The following HIBCH variants were observed in gnomAD, a reference collection of about 807,000 sequenced individuals.
HIBCH encodes 3-hydroxyisobutyryl-CoA hydrolase, also known as 3-hydroxyisobutyryl-CoA hydrolase, mitochondrial.
In HIBCH, 50 loss-of-function variants were observed where a neutral mutation model predicts 58.2. The observed-to-expected ratio is 0.86, with a 90% CI of 0.68 to 1.09. The LOEUF (loss-of-function observed/expected upper bound fraction) is 1.09. Ranked by LOEUF, HIBCH falls within the 50% of genes least tolerant of loss-of-function variation. The pLI is 0.00. For synonymous variants in HIBCH, 151 were observed against 146.9 expected (o/e 1.03, Z -0.20); for missense variants, 450 against 449.7 (o/e 1.00, Z -0.01).
chr2:190,199,939 C>T (rs1575685284), downstream of HIBCH: 11 of 1,613,954 alleles, frequency 6.8e-6, no homozygotes, highest in Admixed American at 1.2e-4. Context: ...GAGTGAAGAA[C>T]CCTTTATGCC....
chr2:190,194,282 T>A (rs1689859061), intron 1 of HIBCH, among the ~76,000 whole-genome samples: 1 of 152,182 alleles, frequency 6.6e-6, no homozygotes, highest in Non-Finnish European at 1.5e-5. Flanking sequence ...AGAACACGTA[T>A]TTTTTCTTTG....
intron 11 of HIBCH, among the ~76,000 whole-genome samples, chr2:190,225,681 T>C (rs1381090965): frequency 2.0e-5 from 3 of 152,202 alleles, no homozygotes; most frequent in African/African-American, 7.2e-5. Flanking sequence ...AGCCGAATTC[T>C]ACCAGAGGTA....
chr2:190,202,342 A>T (rs573118425), downstream of HIBCH: 1 of 167,156 alleles, frequency 6.0e-6, no homozygotes, highest in South Asian at 2.1e-4. Context: ...TTGTATGTTA[A>T]CCCATGACAT....
chr2:190,319,767 G>A lies in HIBCH; in HGVS notation c.-17C>T. On this transcript the variant is annotated 5_prime_UTR_variant, in exon 1 of 14. Transcript: ENST00000359678. ...CTGCCCCATCGCCAAACACTCCGAA[G>A]CTAAAGCAGCAGAGCGAGAATCTCC... The A allele has an allele frequency of 6.2e-7, 1 of 1,609,848 alleles. No homozygotes were observed. The highest frequency in any genetic ancestry group is 1.1e-5 in the South Asian group (1 of 89,862).
chr2:190,294,069 G>A (rs1391059461), intron 4 of HIBCH, among the ~76,000 whole-genome samples: 3 of 134,288 alleles, frequency 2.2e-5, no homozygotes, highest in African/African-American at 5.4e-5. Flanking sequence ...CAGGATAAAT[G>A]CTATAAATAA....
downstream of HIBCH, chr2:190,200,727 C>CCTAA (rs1188469285): frequency 4.7e-5 from 8 of 168,490 alleles, no homozygotes; most frequent in African/African-American, 1.7e-4. Context: ...ACCTCAGGGC[C>CCTAA]CTAACTAATT....
intron 1 of HIBCH, among the ~76,000 whole-genome samples, chr2:190,196,460 T>G (rs532912780): frequency 1.6e-4 from 24 of 152,014 alleles, no homozygotes; most frequent in Non-Finnish European, 2.8e-4. Context: ...TTTATTTTCT[T>G]GGGTATACTT....
At chr2:190,270,142 G>A (rs1687350457) in intron 6 of HIBCH, among the ~76,000 whole-genome samples, 1 of 151,958 alleles carries the variant, frequency 6.6e-6, no homozygotes, top group African/African-American at 2.4e-5. Context: ...CTAGATGACG[G>A]GTTGACAGGT....
At chr2:190,266,295 A>C (rs1687232673) in intron 6 of HIBCH, among the ~76,000 whole-genome samples, 1 of 152,232 alleles carries the variant, frequency 6.6e-6, no homozygotes, top group Non-Finnish European at 1.5e-5. Context: ...TGCATATAAA[A>C]TATGTGCATG....
At chr2:190,303,281 G>A (rs991340805) in intron 2 of HIBCH, among the ~76,000 whole-genome samples, 5 of 152,134 alleles carry the variant, frequency 3.3e-5, no homozygotes, top group Admixed American at 2.0e-4. Flanking sequence ...ACACTCAGCA[G>A]CAAAGAGCAC....
At chr2:190,199,621 G>A (rs1690150748), downstream of HIBCH, 1 of 895,430 alleles carries the variant, frequency 1.1e-6, no homozygotes, top group East Asian at 3.2e-5. Context: ...GTGATGAAAG[G>A]ATTTTTACAT....
In HIBCH at chr2:190,236,304, A is replaced by C. The variant is rs980236619; in HGVS notation, c.891+8583T>G. ...AATTTAATTCACAAGTATTTTAATA[A>C]TAAGTCACATCATCTGTTATATTGA... On this transcript the variant is annotated intron_variant, in intron 11 of 13. Coordinates refer to ENST00000359678, the MANE Select transcript of HIBCH (RefSeq NM_014362.4). The surrounding 1 kb of genome is among the most constrained non-coding windows in gnomAD (Gnocchi z 4.1). Among the ~76,000 whole-genome samples, 34 of 152,352 alleles carry C rather than the reference A, an allele frequency of 2.2e-4. No homozygotes were observed. The highest frequency in any genetic ancestry group is 7.7e-4 in the African/African-American group (32 of 41,584).
At chr2:190,246,985 G>A (rs1490860642) in intron 9 of HIBCH, among the ~76,000 whole-genome samples, 2 of 151,612 alleles carry the variant, frequency 1.3e-5, no homozygotes, top group South Asian at 2.1e-4. Flanking sequence ...TTCACACTAA[G>A]CTCCAATTAA....
chr2:190,252,387 C>A (rs1686801495), intron 7 of HIBCH, 80 bp from the exon 8 acceptor site: 1 of 1,176,476 alleles, frequency 8.5e-7, no homozygotes, highest in Non-Finnish European at 1.3e-6. Context: ...GTAGATCACA[C>A]AAACCATTTC....
downstream of HIBCH, chr2:190,199,666 C>T: frequency 7.3e-7 from 1 of 1,368,740 alleles, no homozygotes; most frequent in Non-Finnish European, 9.5e-7. Flanking sequence ...CATTCTGTAA[C>T]TTCAAAATGA....
At chr2:190,271,275 T>C (rs769306345) in intron 6 of HIBCH, among the ~76,000 whole-genome samples, 153 of 144,098 alleles carry the variant, frequency 1.1e-3, no homozygotes, top group Non-Finnish European at 1.8e-3. Flanking sequence ...CCATTATCTC[T>C]ACCCTACTTT....
At chr2:190,319,003 T>A (rs956321944) in intron 1 of HIBCH, among the ~76,000 whole-genome samples, 1 of 152,136 alleles carries the variant, frequency 6.6e-6, no homozygotes, top group Non-Finnish European at 1.5e-5. Context: ...TCCAGTAATT[T>A]AAGTCGTCCT....
chr2:190,230,673 C>A (rs542345466), intron 11 of HIBCH, among the ~76,000 whole-genome samples: 8 of 152,108 alleles, frequency 5.3e-5, no homozygotes, highest in Non-Finnish European at 2.9e-5. Context: ...CCAGCCTGGG[C>A]GAGAGAGCAA....
At chr2:190,203,881 C>T (rs1036854259), downstream of HIBCH, 6 of 151,988 alleles carry the variant, frequency 3.9e-5, no homozygotes, top group African/African-American at 1.4e-4. Context: ...CTGAAGTTCA[C>T]TTAGTTTCTA....
Sources: allele counts gnomAD v4.1 joint callset (sites outside exome capture counted in the v4.1 genomes callset), GRCh38; gene constraint gnomAD v4.1.1; non-coding constraint Gnocchi (gnomAD v3.1); transcripts MANE v1.5; gene names NCBI Gene and HGNC (gene_info 2026-07-23, HGNC 2026-07-21).